The following NCAM2 variants were observed in gnomAD, a reference collection of about 807,000 sequenced individuals.
NCAM2 encodes the protein N-CAM-2.
In NCAM2, 30 loss-of-function variants were observed where a neutral mutation model predicts 98.1. That is an observed-to-expected ratio of 0.31 (90% confidence interval 0.23 to 0.41). NCAM2 has a LOEUF of 0.41. NCAM2 is among the 10% of genes least tolerant of loss of function. The pLI is 1.00. For synonymous variants in NCAM2, 368 were observed against 342.4 expected (o/e 1.07, Z -0.83); for missense variants, 867 against 1,005.8 (o/e 0.86, Z 1.87).
At chr21:21,208,660 G>A (rs1036157752) in intron 1 of NCAM2, among the ~76,000 whole-genome samples, 2 of 151,920 alleles carry the variant, frequency 1.3e-5, no homozygotes, top group Non-Finnish European at 2.9e-5. Context: ...AACTGCCTAT[G>A]TGGAGATTAT....
Position 21,030,925 on chromosome 21 carries a change from A to G in NCAM2, c.55+32307A>G, listed in dbSNP as rs544490194. On this transcript the variant is annotated intron_variant, in intron 1 of 17. Coordinates refer to ENST00000400546, the MANE Select transcript of NCAM2 (RefSeq NM_004540.5). ...TCATCACCATAATTCTAACTGATAAATATTAATATAGTTATGAATTTAAAA... is the reference window on the plus strand; with the variant it reads ...TCATCACCATAATTCTAACTGATAAGTATTAATATAGTTATGAATTTAAAA... Among the ~76,000 whole-genome samples, 122 of 150,458 alleles carry G rather than the reference A, an allele frequency of 8.1e-4. 3 individuals are homozygous for G. Among genetic ancestry groups the G allele is most frequent in the African/African-American group, 2.8e-3 (113 of 40,430 alleles).
At chr21:21,367,460 A>G (rs2075815857) in intron 8 of NCAM2, among the ~76,000 whole-genome samples, 1 of 152,018 alleles carries the variant, frequency 6.6e-6, no homozygotes, top group African/African-American at 2.4e-5. Flanking sequence ...TGTATTGGCC[A>G]TGGAAAAATA....
At chr21:21,507,788 CAAAA>C (rs35904478) in intron 15 of NCAM2, among the ~76,000 whole-genome samples, 59 of 98,046 alleles carry the variant, frequency 6.0e-4, no homozygotes, top group African/African-American at 1.4e-3. Flanking sequence ...GACTCCATCT[CAAAA>C]AAAAAAAAAA....
chr21:21,436,692 C>T (rs920533066), intron 12 of NCAM2, among the ~76,000 whole-genome samples: 1 of 151,720 alleles, frequency 6.6e-6, no homozygotes, highest in African/African-American at 2.4e-5. Context: ...TTTATAGCAC[C>T]TCTGACTGGG....
Position 21,185,531 on chromosome 21 carries a change from A to G in NCAM2, c.56-95047A>G, listed in dbSNP as rs555966822. 6.6e-5 allele frequency among the ~76,000 whole-genome samples: 10 copies of G among 152,300 alleles called. No homozygotes were observed. In the South Asian group the frequency reaches 1.7e-3, roughly 25 times the overall value. On this transcript the variant is annotated intron_variant, in intron 1 of 17. Coordinates refer to ENST00000400546, the MANE Select transcript of NCAM2 (RefSeq NM_004540.5). ...TTCTAGCTTTTATGGAAAAATAATTATCAACATTTATTATTTGCTTTTCAC... is the reference window on the plus strand; with the variant it reads ...TTCTAGCTTTTATGGAAAAATAATTGTCAACATTTATTATTTGCTTTTCAC...
chr21:21,343,915 G>T (rs2075116761), intron 8 of NCAM2, among the ~76,000 whole-genome samples: 2 of 152,094 alleles, frequency 1.3e-5, no homozygotes, highest in Admixed American at 1.3e-4. Context: ...ACACCAGCTG[G>T]GGTGGCCAAA....
At chr21:21,306,004 G>T (rs534652259) in intron 5 of NCAM2, among the ~76,000 whole-genome samples, 1 of 152,144 alleles carries the variant, frequency 6.6e-6, no homozygotes, top group East Asian at 1.9e-4. Context: ...TTTATCCCAT[G>T]AAACATTTAG....
chr21:21,525,770 A>G (rs956007127), intron 16 of NCAM2, among the ~76,000 whole-genome samples: 1 of 152,162 alleles, frequency 6.6e-6, no homozygotes, highest in Non-Finnish European at 1.5e-5. Flanking sequence ...AAATATTAGC[A>G]AGTCAAATCC....
At chr21:21,289,156 A>G (rs1048456935) in intron 4 of NCAM2, among the ~76,000 whole-genome samples, 1 of 151,972 alleles carries the variant, frequency 6.6e-6, no homozygotes, top group Non-Finnish European at 1.5e-5. Flanking sequence ...TCTGCATTAA[A>G]AAAACTGATT....
chr21:21,131,363 T>A (rs2066931425), intron 1 of NCAM2, among the ~76,000 whole-genome samples: 1 of 151,586 alleles, frequency 6.6e-6, no homozygotes, highest in Non-Finnish European at 1.5e-5. Flanking sequence ...AACCTCCACC[T>A]CCTGGGTTCA....
intron 5 of NCAM2, among the ~76,000 whole-genome samples, chr21:21,308,183 T>C (rs898659837): frequency 1.3e-5 from 2 of 152,122 alleles, no homozygotes; most frequent in African/African-American, 4.8e-5. Flanking sequence ...AAAAGTATTT[T>C]ATATTTATCT....
intron 6 of NCAM2, 26 bp from the exon 7 acceptor site, chr21:21,335,479 G>A (rs903850592): frequency 2.6e-5 from 41 of 1,569,296 alleles, no homozygotes; most frequent in Non-Finnish European, 3.2e-5. Flanking sequence ...AGATCTGTGA[G>A]GATGAACCTC....
intron 1 of NCAM2, among the ~76,000 whole-genome samples, chr21:21,260,571 A>AAT (rs1555845172): frequency 6.6e-6 from 1 of 151,594 alleles, no homozygotes; most frequent in Admixed American, 6.6e-5. Flanking sequence ...GAAGAAAAAA[A>AAT]AAAATGCCAG....
intron 1 of NCAM2, among the ~76,000 whole-genome samples, chr21:21,002,324 C>T (rs1350427817): frequency 6.6e-6 from 1 of 151,980 alleles, no homozygotes; most frequent in Non-Finnish European, 1.5e-5. Context: ...AATTTTCTCC[C>T]CGAGGTACTG....
At chr21:21,234,438 AC>A (rs2070742489) in intron 1 of NCAM2, among the ~76,000 whole-genome samples, 1 of 152,010 alleles carries the variant, frequency 6.6e-6, no homozygotes, top group South Asian at 2.1e-4. Context: ...ATATACACTT[AC>A]ATTTTAATTA....
chr21:21,105,718 A>G (rs2066330126), intron 1 of NCAM2, among the ~76,000 whole-genome samples: 1 of 152,160 alleles, frequency 6.6e-6, no homozygotes, highest in Non-Finnish European at 1.5e-5. Flanking sequence ...ATTCACTTTC[A>G]TTTATTGTAG....
chr21:21,049,217 C>T lies in NCAM2; in HGVS notation c.55+50599C>T, dbSNP rs373485174. On this transcript the variant is annotated intron_variant, in intron 1 of 17. Coordinates refer to ENST00000400546, the MANE Select transcript of NCAM2 (RefSeq NM_004540.5). Reference sequence around the variant, plus strand: ...TGTATTTTTAGTAGAGACGGGGTTTCACCTTGTTAGCCAGGATAGTCTCGA... The same window carrying T: ...TGTATTTTTAGTAGAGACGGGGTTTTACCTTGTTAGCCAGGATAGTCTCGA... Among the ~76,000 whole-genome samples the T allele has an allele frequency of 6.8e-3, 995 of 146,830 alleles. 10 individuals are homozygous for T. Among genetic ancestry groups the T allele is most frequent in the African/African-American group, 0.024 (956 of 39,562 alleles).
chr21:21,095,761 T>C (rs1271009608), intron 1 of NCAM2, among the ~76,000 whole-genome samples: 2 of 151,644 alleles, frequency 1.3e-5, no homozygotes, highest in African/African-American at 4.8e-5. Flanking sequence ...TTTGGAAAAA[T>C]TGCATATCAA....
intron 16 of NCAM2, among the ~76,000 whole-genome samples, chr21:21,517,154 G>T (rs1988758194): frequency 6.6e-6 from 1 of 152,084 alleles, no homozygotes; most frequent in Non-Finnish European, 1.5e-5. Context: ...TATATTTCCA[G>T]TTCCACTTCA....
Sources: gnomAD v4.1 joint callset for allele counts (sites outside exome capture counted in the v4.1 genomes callset) on GRCh38, gnomAD v4.1.1 for gene constraint, MANE v1.5 for transcripts, NCBI Gene and HGNC (gene_info 2026-07-23, HGNC 2026-07-21) for gene names.